The following SRFBP1 variants were observed in gnomAD, a reference collection of about 807,000 sequenced individuals.
SRFBP1 encodes serum response factor-binding protein 1.
In SRFBP1, 47 loss-of-function variants were observed where a neutral mutation model predicts 45.5. The observed-to-expected ratio is 1.03, with a 90% confidence interval of 0.82 to 1.32. SRFBP1 has a LOEUF of 1.32. SRFBP1 is among the 40% of genes most tolerant of loss of function. The pLI is 0.00. For synonymous variants in SRFBP1, 203 were observed against 166.3 expected (o/e 1.22, Z -1.70); for missense variants, 621 against 484.6 (o/e 1.28, Z -2.64).
rs1205881821 is a variant in SRFBP1, at chr5:122,027,503, A to C, written c.*377A>C. ...ATTGATTTTTAATAATATCCCTCAG[A>C]CTGTTTCCCTTATGAAGTAATTTGG... On this transcript the variant is annotated 3_prime_UTR_variant, in exon 8 of 8. Coordinates refer to ENST00000339397, the MANE Select transcript of SRFBP1 (RefSeq NM_152546.3). 6.5e-6 allele frequency: 1 copy of C among 153,536 alleles called. No individual in the cohort carries two copies. Among genetic ancestry groups the C allele is most frequent in the African/African-American group, 2.4e-5 (1 of 41,458 alleles). 9.5% of individuals were successfully genotyped at this position (153,536 alleles called of 1,614,324 possible).
At chr5:122,032,676 A>G (rs1015086434), downstream of SRFBP1, among the ~76,000 whole-genome samples, 3 of 152,346 alleles carry the variant, frequency 2.0e-5, no homozygotes, top group South Asian at 2.1e-4. Context: ...CCACTCTTCT[A>G]TCTATGGGTA....
chr5:122,011,982 T>C (rs2112697184), intron 4 of SRFBP1, among the ~76,000 whole-genome samples: 1 of 152,268 alleles, frequency 6.6e-6, no homozygotes, highest in South Asian at 2.1e-4. Flanking sequence ...TGAAGGGAGC[T>C]TTACGCAATT....
At chr5:121,964,751 C>T (rs527278725) in intron 1 of SRFBP1, among the ~76,000 whole-genome samples, 1 of 152,172 alleles carries the variant, frequency 6.6e-6, no homozygotes, top group Admixed American at 6.5e-5. Context: ...ATTGCTAGAT[C>T]CTTGAGGAAT....
At position 122,020,234 on chromosome 5, in the gene SRFBP1, G is replaced by A. The variant is rs191156648; in HGVS notation, c.499G>A (p.Glu167Lys). ...NLQREATVISEQKVKETKILA... is the reference protein window; with the variant it reads ...NLQREATVISKQKVKETKILA... The stretch of plus-strand genomic sequence containing the variant: ...ACAGCGTGAAGCAACTGTCATCAGT[G>A]AGCAAAAAGTCAAAGAAACCAAAAT... The change falls in exon 6 of 8, where the codon GAG becomes AAG. Residue 167 changes from glutamate (E) to lysine (K), a missense_variant. Glu to Lys is a moderately conservative substitution (Grantham distance 56, BLOSUM62 1). Transcript: ENST00000339397. 3.8e-4 allele frequency: 615 copies of A among 1,612,826 alleles called. 2 individuals carry two copies. Among genetic ancestry groups the A allele is most frequent in the Non-Finnish European group, 4.4e-4 (514 of 1,179,682 alleles).
chr5:121,981,433 A>C (rs1301003067), intron 3 of SRFBP1, among the ~76,000 whole-genome samples: 1 of 151,984 alleles, frequency 6.6e-6, no homozygotes, highest in Non-Finnish European at 1.5e-5. Flanking sequence ...CACTCTAACC[A>C]GTGACCTTTC....
intron 3 of SRFBP1, among the ~76,000 whole-genome samples, chr5:121,980,112 G>A (rs967704926): frequency 6.6e-6 from 1 of 152,124 alleles, no homozygotes; most frequent in African/African-American, 2.4e-5. Context: ...TCCCAAGACA[G>A]CTACTTTAAT....
rs144814764 is a variant in SRFBP1 at position 122,005,627 on chromosome 5, G to A, written c.270+10957G>A. Reference sequence around the variant, plus strand: ...ATTCAGCCACTATGTGTTATGATTGGAGAATTTAATCTATTGACATTCAAG... The same window carrying A: ...ATTCAGCCACTATGTGTTATGATTGAAGAATTTAATCTATTGACATTCAAG... On this transcript the variant is annotated intron_variant, in intron 4 of 7. Transcript: ENST00000339397. 1.3e-3 allele frequency among the ~76,000 whole-genome samples: 203 copies of A among 152,024 alleles called. 3 individuals are homozygous for A. The East Asian group carries it at 0.03, about 22-fold the overall frequency.
At chr5:122,030,144 C>G (rs1383843141), downstream of SRFBP1, among the ~76,000 whole-genome samples, 2 of 152,048 alleles carry the variant, frequency 1.3e-5, no homozygotes, top group African/African-American at 4.8e-5. Context: ...GTAAGAACAT[C>G]CAAAAAATGT....
At position 121,968,066 on chromosome 5, in the gene SRFBP1, C is replaced by G. The variant is rs79792126; in HGVS notation, c.36+5998C>G. On this transcript the variant is annotated intron_variant, in intron 1 of 7. Transcript: ENST00000339397. ...TATTTTTCACAATTTTAGTAACATA[C>G]GTATCTATACCCAGTGTATAGTATT... Among the ~76,000 whole-genome samples the G allele has an allele frequency of 9.8e-4, 149 of 152,090 alleles. 1 individual carries two copies. The East Asian group carries it at 0.022, about 23-fold the overall frequency.
At chr5:122,051,293 A>G (rs1447784282) in intron 2 of SRFBP1, among the ~76,000 whole-genome samples, 3 of 152,142 alleles carry the variant, frequency 2.0e-5, no homozygotes, top group Admixed American at 6.6e-5. Context: ...TGTTAAGTTC[A>G]GGCCCTGAAT....
intron 3 of SRFBP1, among the ~76,000 whole-genome samples, chr5:121,985,049 C>G (rs948204226): frequency 6.6e-6 from 1 of 151,824 alleles, no homozygotes; most frequent in East Asian, 1.9e-4. Flanking sequence ...TATGTCTATA[C>G]TTTGTGTGTG....
Position 121,966,811 on chromosome 5 carries a change from G to A in SRFBP1, c.36+4743G>A, listed in dbSNP as rs146522116. Among the ~76,000 whole-genome samples the A allele has an allele frequency of 3.9e-3, 572 of 148,168 alleles. 4 individuals carry two copies. The highest frequency in any genetic ancestry group is 0.013 in the African/African-American group (518 of 40,266). The stretch of plus-strand genomic sequence containing the variant: ...ATTTTTTTTTTTGAGACGGAGTCTC[G>A]CTCTGTCGCCCAGGCTGGAGTGCAG... On this transcript the variant is annotated intron_variant, in intron 1 of 7. Transcript: ENST00000339397.
chr5:121,994,601 A>G lies in SRFBP1; in HGVS notation c.201A>G (p.Glu67=), dbSNP rs1561584105. The G allele has an allele frequency of 6.3e-7, 1 of 1,590,930 alleles. No homozygotes were observed. The change falls in exon 4 of 8, where the codon GAA becomes GAG. Residue 67 remains glutamate (E), a splice_region_variant and synonymous_variant. Transcript: ENST00000339397. ...TAATTTGTTTTATTCTTTCACAGGA[A>G]TTGAAACCTGACATAGTAACTAAAT... ...RLLEEIHAMK[E]LKPDIVTKSA...
chr5:122,049,337 ATG>A (rs1271027343), intron 2 of SRFBP1, among the ~76,000 whole-genome samples: 3 of 152,208 alleles, frequency 2.0e-5, no homozygotes, highest in African/African-American at 7.2e-5. Flanking sequence ...TATCCTAAAT[ATG>A]TATGCACCCA....
chr5:122,027,108 A>C lies in SRFBP1; in HGVS notation c.1272A>C (p.Lys424Asn), dbSNP rs1396699925. Residue 424 changes from lysine (K) to asparagine (N), a missense_variant, in exon 8 of 8, where the codon AAA becomes AAC. Transcript: ENST00000339397. ...QSNIAVFQGKKITFDD is the reference protein window; with the variant it reads ...QSNIAVFQGKNITFDD The stretch of plus-strand genomic sequence containing the variant: ...ATATTGCTGTGTTTCAGGGGAAAAA[A>C]ATTACGTTTGATGATTGATTAGTGC... 2.5e-6 allele frequency: 4 copies of C among 1,602,722 alleles called. No homozygotes were observed. Among genetic ancestry groups the C allele is most frequent in the Non-Finnish European group, 3.4e-6 (4 of 1,176,732 alleles).
chr5:121,963,097 G>A (rs1224254523), intron 1 of SRFBP1, among the ~76,000 whole-genome samples: 1 of 152,194 alleles, frequency 6.6e-6, no homozygotes, highest in Non-Finnish European at 1.5e-5. Context: ...CAGTGATTCA[G>A]GAAAGGGGAA....
chr5:122,043,392 T>C (rs930716025), intron 2 of SRFBP1, among the ~76,000 whole-genome samples: 2 of 152,060 alleles, frequency 1.3e-5, no homozygotes, highest in Non-Finnish European at 1.5e-5. Flanking sequence ...GGTTTTGTAT[T>C]TTTAGCAGAG....
chr5:122,008,077 A>G (rs765012262), intron 4 of SRFBP1, among the ~76,000 whole-genome samples: 16 of 152,052 alleles, frequency 1.1e-4, no homozygotes, highest in Non-Finnish European at 1.8e-4. Context: ...GTCTGAATGT[A>G]CTATCCTGGA....
intron 2 of SRFBP1, among the ~76,000 whole-genome samples, chr5:122,069,145 T>C (rs1191747727): frequency 1.3e-5 from 2 of 152,194 alleles, no homozygotes; most frequent in Non-Finnish European, 2.9e-5. Flanking sequence ...TAGAAAGTCC[T>C]GGGTTTTTGT....
Sources: gnomAD v4.1 joint callset for allele counts (sites outside exome capture counted in the v4.1 genomes callset) on GRCh38, gnomAD v4.1.1 for gene constraint, MANE v1.5 for transcripts, NCBI Gene and HGNC (gene_info 2026-07-23, HGNC 2026-07-21) for gene names.